MARCHF8: variants seen among roughly 807,000 people sequenced by gnomAD.
MARCHF8 encodes membrane associated ring-CH-type finger 8, also known as E3 ubiquitin-protein ligase MARCHF8.
In MARCHF8, 40 loss-of-function variants were observed where a neutral mutation model predicts 51.6. That is an observed-to-expected ratio of 0.77 (90% confidence interval 0.60 to 1.01). The LOEUF (loss-of-function observed/expected upper bound fraction) is 1.01, where lower values mean the gene tolerates loss of function less well. MARCHF8 is among the 50% of genes least tolerant of loss of function. The probability of loss-of-function intolerance (pLI) is 0.00; values close to 1 mark genes in which losing one functional copy is unlikely to be tolerated. For synonymous variants in MARCHF8, 263 were observed against 280.3 expected (o/e 0.94, Z 0.62); for missense variants, 685 against 708.6 (o/e 0.97, Z 0.38).
chr10:45,558,712 A>C (rs940171693), intron 1 of MARCHF8, among the ~76,000 whole-genome samples: 1 of 152,216 alleles, frequency 6.6e-6, no homozygotes, highest in Admixed American at 6.5e-5. Context: ...ACATACAAAC[A>C]TACATATGTG....
Position 45,455,756 on chromosome 10 carries a change from G to A in MARCHF8, c.*2483C>T, listed in dbSNP as rs1316319688. 1.3e-5 allele frequency: 2 copies of A among 152,576 alleles called. No homozygotes were observed. Among genetic ancestry groups the A allele is most frequent in the Admixed American group, 1.3e-4 (2 of 15,312 alleles). The allele number at this position is 152,576 out of a possible 1,614,324, so 9.5% of individuals were successfully genotyped here. On this transcript the variant is annotated 3_prime_UTR_variant, in exon 8 of 8. Transcript: ENST00000453424. ...ACTAGAACCTTCAAGAAAAGAAAAG[G>A]CAAGGGGGTGGCTCTGTGCCCCGCC...
chr10:45,463,472 C>A lies in MARCHF8; in HGVS notation c.767G>T (p.Arg256Leu), dbSNP rs376310152. The A allele has an allele frequency of 6.4e-7, 1 of 1,550,636 alleles. No homozygotes were observed. The change falls in exon 5 of 8, where the codon CGG becomes CTG. Residue 256 changes from arginine (R) to leucine (L), a missense_variant. Transcript: ENST00000453424. ...TGAGAACAGGTACTGGAGCAGTTGC[C>A]GGCTTCGGGACGTGGCCTCACCATC... ...KADGEATSRS[R>L]QLLQYLFSLS...
chr10:45,541,541 C>T (rs1281376059), intron 1 of MARCHF8, among the ~76,000 whole-genome samples: 1 of 152,000 alleles, frequency 6.6e-6, no homozygotes, highest in Non-Finnish European at 1.5e-5. Flanking sequence ...GCACGTTGTG[C>T]ACATGTACCC....
At chr10:45,524,012 T>C (rs117394098) in intron 2 of MARCHF8, among the ~76,000 whole-genome samples, 4,463 of 152,316 alleles carry the variant, frequency 0.029, 86 homozygotes, top group Middle Eastern at 0.051. Flanking sequence ...GGAATCGATA[T>C]TGTTGGCTTT....
At chr10:45,519,134 A>G (rs2043666575) in intron 2 of MARCHF8, among the ~76,000 whole-genome samples, 1 of 152,226 alleles carries the variant, frequency 6.6e-6, no homozygotes, top group Admixed American at 6.5e-5. Flanking sequence ...GTAAAAATTT[A>G]AAGTGCCATT....
intron 1 of MARCHF8, among the ~76,000 whole-genome samples, chr10:45,560,422 A>ACCTGG (rs536826138): frequency 1.8e-4 from 27 of 152,330 alleles, no homozygotes; most frequent in African/African-American, 6.3e-4. Flanking sequence ...AGGCCTCCGA[A>ACCTGG]CCTGGCCTTT....
At chr10:45,553,915 A>G (rs745668414) in intron 1 of MARCHF8, among the ~76,000 whole-genome samples, 6 of 152,162 alleles carry the variant, frequency 3.9e-5, no homozygotes, top group Non-Finnish European at 7.4e-5. Context: ...TCAGAGATGG[A>G]TTTCTCTGAT....
chr10:45,528,297 A>G (rs2043823570), intron 2 of MARCHF8, among the ~76,000 whole-genome samples: 1 of 152,222 alleles, frequency 6.6e-6, no homozygotes, highest in Non-Finnish European at 1.5e-5. Flanking sequence ...CTAAATTGTA[A>G]AAGAGGAAGT....
intron 1 of MARCHF8, among the ~76,000 whole-genome samples, chr10:45,580,878 C>A (rs2044547953): frequency 6.6e-6 from 1 of 152,086 alleles, no homozygotes; most frequent in Admixed American, 6.6e-5. Flanking sequence ...AAAAACACAC[C>A]CATCTGTGTG....
chr10:45,573,071 T>C (rs2044449908), intron 1 of MARCHF8, among the ~76,000 whole-genome samples: 1 of 152,076 alleles, frequency 6.6e-6, no homozygotes, highest in South Asian at 2.1e-4. Context: ...ATCGGACCTC[T>C]CCCAAATCAG....
intron 1 of MARCHF8, among the ~76,000 whole-genome samples, chr10:45,557,089 C>G (rs138187391): frequency 6.7e-6 from 1 of 150,268 alleles, no homozygotes; most frequent in African/African-American, 2.4e-5. Flanking sequence ...TGAAACTATA[C>G]CCATTGAACA....
intron 6 of MARCHF8, among the ~76,000 whole-genome samples, chr10:45,460,333 C>T (rs2132913480): frequency 6.6e-6 from 1 of 152,284 alleles, no homozygotes; most frequent in Non-Finnish European, 1.5e-5. Context: ...TGCACTCTGC[C>T]TCCAAATCCT....
chr10:45,468,210 GA>G, intron 3 of MARCHF8, among the ~76,000 whole-genome samples: 1 of 152,126 alleles, frequency 6.6e-6, no homozygotes, highest in East Asian at 1.9e-4. Flanking sequence ...AACATACGGG[GA>G]AAAAAAACTT....
At chr10:45,464,408 G>C (rs1422087827) in intron 3 of MARCHF8, 81 bp from the exon 4 acceptor site, 1 of 1,139,102 alleles carries the variant, frequency 8.8e-7, no homozygotes, top group Admixed American at 1.7e-5. Flanking sequence ...GTGACAGGGA[G>C]AAACCCTAGA....
At chr10:45,571,811 C>T (rs1432449359) in intron 1 of MARCHF8, among the ~76,000 whole-genome samples, 1 of 152,186 alleles carries the variant, frequency 6.6e-6, no homozygotes, top group Admixed American at 6.5e-5. Flanking sequence ...CAATCTCTCC[C>T]TTCTCTTAAT....
At chr10:45,478,158 C>T (rs1041773553) in intron 3 of MARCHF8, among the ~76,000 whole-genome samples, 2 of 152,180 alleles carry the variant, frequency 1.3e-5, no homozygotes, top group Non-Finnish European at 2.9e-5. Flanking sequence ...CAGGTTAGGA[C>T]ACAAAACAAG....
chr10:45,486,804 CTTT>C (rs34757159), intron 3 of MARCHF8, among the ~76,000 whole-genome samples: 7 of 94,576 alleles, frequency 7.4e-5, no homozygotes, highest in Non-Finnish European at 8.1e-5. Context: ...TATTACCCTA[CTTT>C]TTTTTTTTTT....
intron 3 of MARCHF8, among the ~76,000 whole-genome samples, chr10:45,477,578 CTGAATGTAAA>C (rs2042809685): frequency 6.6e-6 from 1 of 152,056 alleles, no homozygotes; most frequent in Non-Finnish European, 1.5e-5. Context: ...AATAGCAACC[CTGAATGTAAA>C]TGAATTAAAC....
chr10:45,481,883 TC>T (rs2042893544), intron 3 of MARCHF8, among the ~76,000 whole-genome samples: 2 of 152,148 alleles, frequency 1.3e-5, no homozygotes, highest in African/African-American at 4.8e-5. Context: ...AGTTAATTTG[TC>T]CCTTTTTGCA....
Sources: allele counts gnomAD v4.1 joint callset (sites outside exome capture counted in the v4.1 genomes callset), GRCh38; gene constraint gnomAD v4.1.1; transcripts MANE v1.5; gene names NCBI Gene and HGNC (gene_info 2026-07-23, HGNC 2026-07-21).